Variants in RBFOX1 observed in about 807,000 individuals in gnomAD.
RBFOX1 encodes RNA binding protein fox-1 homolog 1.
In RBFOX1, 8 loss-of-function variants were observed where a neutral mutation model predicts 57.7. That is an observed-to-expected ratio of 0.14 (90% CI 0.08 to 0.25). The LOEUF (loss-of-function observed/expected upper bound fraction) is 0.25. RBFOX1 is among the 10% of genes least tolerant of loss of function. The pLI, the probability that RBFOX1 is intolerant of heterozygous loss-of-function variation, is 1.00. For missense variants in RBFOX1, 611 were observed against 548.5 expected, an observed-to-expected ratio of 1.11 and a Z score of -1.14; for synonymous variants, 326 against 222.4, an observed-to-expected ratio of 1.47 and a Z score of -4.15.
intron 4 of RBFOX1, among the ~76,000 whole-genome samples, chr16:7,281,288 C>A (rs2095538688): frequency 1.3e-5 from 2 of 151,742 alleles, no homozygotes; most frequent in African/African-American, 2.4e-5. Flanking sequence ...CAGGCGTGAG[C>A]CACCGTGCCC....
chr16:6,550,905 G>C (rs1046097787), intron 2 of RBFOX1, among the ~76,000 whole-genome samples: 2 of 152,210 alleles, frequency 1.3e-5, no homozygotes, highest in Non-Finnish European at 2.9e-5. Flanking sequence ...AGGAGGGTGT[G>C]AATACTCGGG....
intron 4 of RBFOX1, among the ~76,000 whole-genome samples, chr16:7,067,279 T>C (rs2056291111): frequency 6.8e-6 from 1 of 146,544 alleles, no homozygotes; most frequent in Non-Finnish European, 1.5e-5. Context: ...TCTGTGTTAG[T>C]TTTTTATTGT....
chr16:6,112,621 C>A (rs1597410466), intron 1 of RBFOX1, among the ~76,000 whole-genome samples: 1 of 152,042 alleles, frequency 6.6e-6, no homozygotes, highest in Non-Finnish European at 1.5e-5. Flanking sequence ...AACCCAGGAG[C>A]CGGAGGTTGC....
chr16:6,538,675 G>T (rs745438274), intron 2 of RBFOX1, among the ~76,000 whole-genome samples: 1 of 152,150 alleles, frequency 6.6e-6, no homozygotes, highest in African/African-American at 2.4e-5. Context: ...TGTAGAAAAC[G>T]GTTTGGGAGT....
intron 3 of RBFOX1, among the ~76,000 whole-genome samples, chr16:5,645,264 A>T (rs2049013045): frequency 3.3e-5 from 1 of 30,762 alleles, no homozygotes; most frequent in Admixed American, 4.4e-4. Flanking sequence ...AAACAAAAAC[A>T]GAAACAAAAA....
chr16:6,632,321 G>A lies in RBFOX1; in HGVS notation c.-63-22282G>A, dbSNP rs556995901. Among the ~76,000 whole-genome samples the A allele has an allele frequency of 3.3e-5, 5 of 150,122 alleles. 1 individual carries two copies. The East Asian group carries it at 9.8e-4, about 29-fold the overall frequency. On this transcript the variant is annotated intron_variant, in intron 2 of 15. Transcript: ENST00000550418. ...GAAACCTTGCACCAGTTGTAATAAA[G>A]ATAGCCAGGGAGAAAGAAAAAAAAA...
intron 3 of RBFOX1, among the ~76,000 whole-genome samples, chr16:5,697,535 C>CTTTT (rs35569754): frequency 3.6e-5 from 5 of 138,816 alleles, no homozygotes; most frequent in African/African-American, 1.3e-4. Flanking sequence ...CTTTTCTATT[C>CTTTT]TTTTTTTTTT....
chr16:5,240,708 G>A (rs974463654), intron 1 of RBFOX1, among the ~76,000 whole-genome samples: 2 of 152,232 alleles, frequency 1.3e-5, no homozygotes, highest in African/African-American at 4.8e-5. Flanking sequence ...GAGAGGCAAA[G>A]TTCCTTGCAT....
chr16:5,566,666 ATG>A (rs915722281), intron 2 of RBFOX1, among the ~76,000 whole-genome samples: 31 of 94,910 alleles, frequency 3.3e-4, no homozygotes, highest in Non-Finnish European at 5.2e-4. Flanking sequence ...ATATATGTAT[ATG>A]TGTGTATATA....
intron 3 of RBFOX1, chr16:6,705,402 G>C (rs1288055657): frequency 6.6e-6 from 1 of 152,154 alleles, no homozygotes; most frequent in Non-Finnish European, 1.5e-5. Context: ...AGATGGTTAA[G>C]TATAGAAATA....
intron 2 of RBFOX1, among the ~76,000 whole-genome samples, chr16:5,590,067 ACACACAC>A (rs1456461829): frequency 1.9e-3 from 279 of 144,056 alleles, no homozygotes; most frequent in African/African-American, 7.1e-3. Context: ...ACACACACAC[ACACACAC>A]ACAAAAAGGG....
intron 3 of RBFOX1, among the ~76,000 whole-genome samples, chr16:6,943,842 T>C (rs747485001): frequency 6.6e-6 from 1 of 152,170 alleles, no homozygotes; most frequent in Non-Finnish European, 1.5e-5. Flanking sequence ...CGCTGAGCTG[T>C]AACCATTCTA....
At position 5,861,729 on chromosome 16, in the gene RBFOX1, C is replaced by G. The variant is rs77590709; in HGVS notation, c.319-5574C>G. On this transcript the variant is annotated intron_variant, in intron 3 of 19. Coordinates refer to the RBFOX1 transcript ENST00000641259. ...GGGCATTTGTTGCTATTGGAATTCA[C>G]CTGATCACCAGAGGCATTAGCAGAT... 2.0e-3 allele frequency among the ~76,000 whole-genome samples: 300 copies of G among 152,302 alleles called. 1 individual carries two copies. The highest frequency in any genetic ancestry group is 7.0e-3 in the African/African-American group (290 of 41,572).
chr16:6,848,225 G>C (rs111646325), intron 3 of RBFOX1, among the ~76,000 whole-genome samples: 9 of 152,100 alleles, frequency 5.9e-5, no homozygotes, highest in African/African-American at 1.7e-4. Context: ...TGGTGAGCTC[G>C]GGCCCATGAC....
intron 4 of RBFOX1, among the ~76,000 whole-genome samples, chr16:7,160,336 A>G (rs564376469): frequency 6.6e-6 from 1 of 152,246 alleles, no homozygotes; most frequent in South Asian, 2.1e-4. Flanking sequence ...AGTGTGTAAA[A>G]TGGCAATGAA....
chr16:6,610,396 T>C (rs2098027534), intron 2 of RBFOX1, among the ~76,000 whole-genome samples: 1 of 151,986 alleles, frequency 6.6e-6, no homozygotes, highest in Non-Finnish European at 1.5e-5. Context: ...GGTGCAATCA[T>C]GGCTCACTGC....
In RBFOX1 at chr16:7,676,766, T is replaced by C. The variant is rs771083814; in HGVS notation, c.931-8T>C. ...CATTCCTGAGTCACATTTCTCCTTG[T>C]GTTTTAGGGTGGTTATGCTGCATAC... On this transcript the variant is annotated splice_region_variant and splice_polypyrimidine_tract_variant and intron_variant, in intron 13 of 15. Transcript: ENST00000550418. 3.1e-6 allele frequency: 5 copies of C among 1,610,550 alleles called. No homozygotes were observed. The African/African-American group carries it at 6.7e-5, about 22-fold the overall frequency.
chr16:6,859,119 A>ATACG lies in RBFOX1; in HGVS notation c.-15-192936_-15-192935insCGTA, dbSNP rs374334575. 3.0e-4 allele frequency among the ~76,000 whole-genome samples: 25 copies of ATACG among 82,178 alleles called. 3 individuals are homozygous for ATACG. Among genetic ancestry groups the ATACG allele is most frequent in the African/African-American group, 2.1e-3 (25 of 11,682 alleles). 53.9% of individuals were successfully genotyped at this position (82,178 alleles called of 152,430 possible). A position where few individuals can be genotyped will look rare whatever the true frequency, so the allele number is the denominator to read the frequency against. Reference sequence around the variant, plus strand: ...ATTGTCCTAAAAAAAGTGTATATATATATATATATACATATATATACGTAT... The same window carrying ATACG: ...ATTGTCCTAAAAAAAGTGTATATATATACGTATATATATACATATATATACGTAT... On this transcript the variant is annotated intron_variant, in intron 3 of 15. Coordinates refer to ENST00000550418, the MANE Select transcript of RBFOX1 (RefSeq NM_018723.4).
chr16:7,709,327 TG>T (rs1326491276), intron 15 of RBFOX1, among the ~76,000 whole-genome samples, 196 bp downstream of exon 15: 1 of 152,254 alleles, frequency 6.6e-6, no homozygotes, highest in Non-Finnish European at 1.5e-5. Context: ...ATGTAGTGCA[TG>T]TAAGTTATTA....
Sources: gnomAD v4.1 joint callset for allele counts (sites outside exome capture counted in the v4.1 genomes callset) on GRCh38, gnomAD v4.1.1 for gene constraint, MANE v1.5 for transcripts, NCBI Gene and HGNC (gene_info 2026-07-23, HGNC 2026-07-21) for gene names.